EIF1AD: variants seen among roughly 807,000 people sequenced by gnomAD.
EIF1AD encodes eukaryotic translation initiation factor 1A domain containing.
EIF1AD carries 9 observed loss-of-function variants against 21.7 expected under a neutral mutation model. The ratio of observed to expected loss-of-function variants is 0.41; its 90% CI spans 0.25 to 0.72. EIF1AD has a LOEUF of 0.72. Ranked by LOEUF, EIF1AD falls within the 30% of genes least tolerant of loss-of-function variation. EIF1AD has a pLI of 0.29. For synonymous variants in EIF1AD, 78 were observed against 70.9 expected, an observed-to-expected ratio of 1.10 and a Z score of -0.50; for missense variants, 164 against 199.7, an observed-to-expected ratio of 0.82 and a Z score of 1.08.
chr11:66,001,509 T>C (rs911936245), intron 1 of EIF1AD, among the ~76,000 whole-genome samples: 2 of 151,428 alleles, frequency 1.3e-5, no homozygotes, highest in African/African-American at 4.8e-5. Flanking sequence ...CCTATAATCT[T>C]AAGTACTAGT....
rs1342321327 is a variant in EIF1AD at position 65,997,099 on chromosome 11, G to C, written c.*1500C>G. The C allele has an allele frequency of 1.3e-5, 2 of 152,124 alleles. No homozygotes were observed. Among genetic ancestry groups the C allele is most frequent in the Non-Finnish European group, 2.9e-5 (2 of 68,034 alleles). 9.4% of individuals were successfully genotyped at this position (152,124 alleles called of 1,614,324 possible). On this transcript the variant is annotated 3_prime_UTR_variant, in exon 6 of 6. Coordinates refer to ENST00000533544, the MANE Select transcript of EIF1AD (RefSeq NM_001242481.2). ...CCAGCAGTTTGGGAGGCTGAGGCAG[G>C]AGGCTCATTTAAGGTCAGGAGTTCG...
In EIF1AD at chr11:65,999,827, G is replaced by C. The variant is rs534600248; in HGVS notation, c.197-152C>G. ...AGACAGGGTCTTGCTCTGTTGCCCA[G>C]GCTGGCAAGCAATAGCATGATCATA... On this transcript the variant is annotated intron_variant, in intron 3 of 5. Transcript: ENST00000533544. 8 of 665,150 alleles carry C rather than the reference G, an allele frequency of 1.2e-5. No individual in the cohort carries two copies. In the Admixed American group the frequency reaches 1.9e-4, roughly 16 times the overall value. 41.2% of individuals were successfully genotyped at this position (665,150 alleles called of 1,614,324 possible).
intron 5 of EIF1AD, 99 bp downstream of exon 5, chr11:65,999,251 C>G: frequency 6.7e-7 from 1 of 1,499,310 alleles, no homozygotes; most frequent in Non-Finnish European, 9.2e-7. Flanking sequence ...TCAACAGATA[C>G]CCTATGTAAG....
Position 66,000,320 on chromosome 11 carries a change from G to A in EIF1AD, c.70C>T (p.Gln24Ter). The A allele has an allele frequency of 6.2e-7, 1 of 1,613,490 alleles. No individual in the cohort carries two copies. Among genetic ancestry groups the A allele is most frequent in the Non-Finnish European group, 8.5e-7 (1 of 1,179,718 alleles). The change falls in exon 2 of 6, where the codon CAG becomes TAG. Residue 24 changes from glutamine to a stop codon, truncating the protein, a stop_gained. Transcript: ENST00000533544. LOFTEE classifies it high-confidence loss of function. The part of the protein sequence containing the change: ...VLGEHIVPSD[Q>*]QQIVRVLRTP... ...CCACTCACCCTGACAATCTGCTGCT[G>A]GTCGGAGGGCACTATGTGCTCCCCT...
At chr11:65,999,031 A>C (rs111702851) in intron 5 of EIF1AD, among the ~76,000 whole-genome samples, 1 of 152,228 alleles carries the variant, frequency 6.6e-6, no homozygotes, top group African/African-American at 2.4e-5. Context: ...ATATCACATA[A>C]CAGATACTGC....
At chr11:65,999,464 CTG>C in intron 4 of EIF1AD, 67 bp from the exon 5 acceptor site, 1 of 1,612,126 alleles carries the variant, frequency 6.2e-7, no homozygotes, top group Non-Finnish European at 8.5e-7. Flanking sequence ...CTGCTTCCAG[CTG>C]TGTCTGCCTG....
Position 65,997,866 on chromosome 11 carries a change from G to T in EIF1AD, c.*733C>A, listed in dbSNP as rs981788404. On this transcript the variant is annotated 3_prime_UTR_variant, in exon 6 of 6. Coordinates refer to ENST00000533544, the MANE Select transcript of EIF1AD (RefSeq NM_001242481.2). ...GTGGAAAAGCAGCCTCTATTTAAAA[G>T]GTTATAAGACAATCAATGTCCTCAG... The T allele has an allele frequency of 6.6e-6, 1 of 152,218 alleles. No individual in the cohort carries two copies. The highest frequency in any genetic ancestry group is 1.5e-5 in the Non-Finnish European group (1 of 68,052). 9.4% of individuals were successfully genotyped at this position (152,218 alleles called of 1,614,324 possible).
intron 2 of EIF1AD, 45 bp from the exon 3 acceptor site, chr11:66,000,206 A>C: frequency 6.2e-7 from 1 of 1,607,306 alleles, no homozygotes; most frequent in Non-Finnish European, 8.5e-7. Flanking sequence ...GTCAGATCAA[A>C]CACCCTCTCA....
rs1285279590 is a variant in EIF1AD at position 65,999,613 on chromosome 11, CA to C, written c.258del (p.Phe86LeufsTer114). ...EGEKVKAEIS[F>X]VLCKDHVRSL... ...GAGCGCACGTGGTCCTTGCAGAGCACAAACGAGATTTCAGCCTTCACCTTTT... is the reference window on the plus strand; with the variant it reads ...GAGCGCACGTGGTCCTTGCAGAGCACAACGAGATTTCAGCCTTCACCTTTT... On this transcript the variant is annotated frameshift_variant, in exon 4 of 6. Transcript: ENST00000533544. LOFTEE classifies it high-confidence loss of function. 6.2e-7 allele frequency: 1 copy of C among 1,614,054 alleles called. No individual in the cohort carries two copies.
intron 1 of EIF1AD, among the ~76,000 whole-genome samples, 184 bp downstream of exon 1, chr11:66,001,726 T>C (rs1233433191): frequency 6.6e-6 from 1 of 152,108 alleles, no homozygotes; most frequent in Non-Finnish European, 1.5e-5. Context: ...AACTAGTTAA[T>C]TAAAGGTTGA....
rs1026214627 is a variant in EIF1AD, at chr11:65,997,304, G to GCAA, written c.*1292_*1294dup. 7.9e-6 allele frequency: 1 copy of GCAA among 127,096 alleles called. No individual in the cohort carries two copies. Among genetic ancestry groups the GCAA allele is most frequent in the Non-Finnish European group, 1.6e-5 (1 of 63,868 alleles). The allele number at this position is 127,096 out of a possible 1,614,324, so 7.9% of individuals were successfully genotyped here. ...ATCACACCACTGCACTCCAGCCTGA[G>GCAA]CAACACAGGGAGACACTCTCTCAAA... On this transcript the variant is annotated 3_prime_UTR_variant, in exon 6 of 6. Coordinates refer to ENST00000533544, the MANE Select transcript of EIF1AD (RefSeq NM_001242481.2).
Position 66,002,129 on chromosome 11 carries a change from C to CT in EIF1AD, c.-337dup, listed in dbSNP as rs1856001103. 1.3e-5 allele frequency: 2 copies of CT among 152,396 alleles called. No homozygotes were observed. Among genetic ancestry groups the CT allele is most frequent in the South Asian group, 4.1e-4 (2 of 4,828 alleles). The allele number at this position is 152,396 out of a possible 1,614,324, so 9.4% of individuals were successfully genotyped here. A position where few individuals can be genotyped will look rare whatever the true frequency, so the allele number is the denominator to read the frequency against. On this transcript the variant is annotated 5_prime_UTR_variant, in exon 1 of 6. Coordinates refer to ENST00000533544, the MANE Select transcript of EIF1AD (RefSeq NM_001242481.2). ...CAACTGCGAGGAGTGCGACGTGAGT[C>CT]TGAGTCTGATCCCTCCGAAAACCGT...
In EIF1AD at chr11:65,998,446, G is replaced by T; in HGVS notation, c.*153C>A. ...CAGAACAAGTCACCAACCCACCAGG[G>T]GTTTAATTCTCTGAATCAAAAGATC... On this transcript the variant is annotated 3_prime_UTR_variant, in exon 6 of 6. Coordinates refer to ENST00000533544, the MANE Select transcript of EIF1AD (RefSeq NM_001242481.2). 1 of 947,134 alleles carries T rather than the reference G, an allele frequency of 1.1e-6. No homozygotes were observed. Among genetic ancestry groups the T allele is most frequent in the Non-Finnish European group, 1.5e-6 (1 of 662,008 alleles). 58.7% of individuals were successfully genotyped at this position (947,134 alleles called of 1,614,324 possible).
chr11:66,001,150 C>T (rs1855939757), intron 1 of EIF1AD, among the ~76,000 whole-genome samples: 1 of 152,172 alleles, frequency 6.6e-6, no homozygotes, highest in African/African-American at 2.4e-5. Context: ...CCTGCTACAA[C>T]AGAATGGGAC....
At position 65,998,711 on chromosome 11, in the gene EIF1AD, T is replaced by C. The variant is rs1245201042; in HGVS notation, c.386A>G (p.Gln129Arg). The C allele has an allele frequency of 1.2e-6, 2 of 1,614,052 alleles. No individual in the cohort carries two copies. The highest frequency in any genetic ancestry group is 2.7e-5 in the African/African-American group (2 of 74,920). The change falls in exon 6 of 6, where the codon CAG (glutamine) becomes CGG (arginine). Residue 129 changes from glutamine (Q) to arginine (R), a missense_variant. By Grantham distance (43) the Gln-to-Arg change is conservative. Transcript: ENST00000533544. ...QTQPELPAEP[Q>R]LSGEESSSED... ...TGAGCTGGACTCCTCTCCTGATAAC[T>C]GTGGCTCAGCTGGGAGTTCTGGTTG... is the stretch of plus-strand genomic sequence containing the variant.
rs1425065440 is a variant in EIF1AD, at chr11:65,999,589, A to C, written c.283T>G (p.Ser95Ala). ...TACCAAAACCCCTCCTTCTGCAGAG[A>C]GCGCACGTGGTCCTTGCAGAGCACA... ...SFVLCKDHVR[S>A]LQKEGFWPEA... The change falls in exon 4 of 6, where the codon TCT (serine) becomes GCT (alanine). Residue 95 changes from serine (S) to alanine (A), a missense_variant. Ser to Ala is a moderately conservative substitution (Grantham distance 99). Coordinates refer to ENST00000533544, the MANE Select transcript of EIF1AD (RefSeq NM_001242481.2). The C allele has an allele frequency of 1.2e-6, 2 of 1,613,668 alleles. No individual in the cohort carries two copies. Among genetic ancestry groups the C allele is most frequent in the African/African-American group, 2.7e-5 (2 of 74,928 alleles).
intron 2 of EIF1AD, 40 bp from the exon 3 acceptor site, chr11:66,000,201 A>G: frequency 6.2e-7 from 1 of 1,608,132 alleles, no homozygotes; most frequent in Non-Finnish European, 8.5e-7. Context: ...CATCAGTCAG[A>G]TCAAACACCC....
Position 65,998,412 on chromosome 11 carries a change from C to T in EIF1AD, c.*187G>A, listed in dbSNP as rs1353373681. On this transcript the variant is annotated 3_prime_UTR_variant, in exon 6 of 6. Coordinates refer to ENST00000533544, the MANE Select transcript of EIF1AD (RefSeq NM_001242481.2). ...CAATCTCCCTCCCCCGAGAGAGCCA[C>T]TCAGACACCAGAACAAGTCACCAAC... 8.3e-6 allele frequency: 5 copies of T among 602,948 alleles called. No individual in the cohort carries two copies. Among genetic ancestry groups the T allele is most frequent in the Middle Eastern group, 5.1e-4 (1 of 1,968 alleles). The allele number at this position is 602,948 out of a possible 1,614,324, so 37.3% of individuals were successfully genotyped here.
rs149773778 is a variant in EIF1AD, at chr11:66,000,381, C to T, written c.9G>A (p.Gln3=). The change falls in exon 2 of 6, where the codon CAG becomes CAA. Residue 3 remains glutamine, a synonymous_variant. Coordinates refer to ENST00000533544, the MANE Select transcript of EIF1AD (RefSeq NM_001242481.2). MS[Q]ATKRKHVVKE... is the part of the protein sequence containing the mutation. ...TCACCACATGCTTCCTCTTGGTGGC[C>T]TGAGACATGCTGAAGTCGTCCCACA... 2.0e-4 allele frequency: 328 copies of T among 1,608,872 alleles called. 1 individual carries two copies. In the African/African-American group the frequency reaches 4.0e-3, roughly 19 times the overall value.
Sources: allele counts gnomAD v4.1 joint callset (sites outside exome capture counted in the v4.1 genomes callset), GRCh38; gene constraint gnomAD v4.1.1; transcripts MANE v1.5; gene names NCBI Gene and HGNC (gene_info 2026-07-23, HGNC 2026-07-21).